The following MAGI2 variants were observed in gnomAD, a reference collection of about 807,000 sequenced individuals.
MAGI2 encodes membrane-associated guanylate kinase, WW and PDZ domain-containing protein 2.
Under a neutral mutation model 133.3 loss-of-function variants are expected in MAGI2, and 35 were observed. The observed-to-expected ratio is 0.26, with a 90% CI of 0.20 to 0.35. MAGI2 has a LOEUF of 0.35. Among genes scored for constraint, MAGI2 ranks in the 10% least tolerant of loss-of-function variants. The pLI, the probability that MAGI2 is intolerant of heterozygous loss-of-function variation, is 1.00. For missense variants in MAGI2, 1,636 were observed against 1,863.4 expected (o/e 0.88, Z 2.25); for synonymous variants, 729 against 710.6 (o/e 1.03, Z -0.41).
intron 1 of MAGI2, among the ~76,000 whole-genome samples, chr7:79,362,568 A>G (rs1224962830): frequency 6.6e-6 from 1 of 152,118 alleles, no homozygotes; most frequent in Non-Finnish European, 1.5e-5. Flanking sequence ...AAATTCAAAA[A>G]TTTATAAAAA....
intron 12 of MAGI2, among the ~76,000 whole-genome samples, chr7:78,193,182 T>C (rs1339609632): frequency 6.6e-6 from 1 of 152,194 alleles, no homozygotes; most frequent in East Asian, 1.9e-4. Flanking sequence ...AATACCAACA[T>C]TGTTTTTGTC....
intron 2 of MAGI2, among the ~76,000 whole-genome samples, chr7:78,954,215 A>G (rs1332107884): frequency 6.6e-6 from 1 of 152,120 alleles, no homozygotes; most frequent in Non-Finnish European, 1.5e-5. Context: ...GAGCACTGCC[A>G]AATGTCTACT....
At chr7:78,438,995 G>A (rs190483241) in intron 6 of MAGI2, among the ~76,000 whole-genome samples, 1 of 152,248 alleles carries the variant, frequency 6.6e-6, no homozygotes, top group East Asian at 1.9e-4. Context: ...GGTTTATAAC[G>A]TAACTACCTT....
At chr7:79,101,845 T>C (rs1350590589) in intron 1 of MAGI2, among the ~76,000 whole-genome samples, 1 of 151,916 alleles carries the variant, frequency 6.6e-6, no homozygotes, top group Non-Finnish European at 1.5e-5. Flanking sequence ...AAAATTCACT[T>C]TTATTATCAA....
intron 3 of MAGI2, among the ~76,000 whole-genome samples, chr7:78,566,956 C>G (rs936662612): frequency 6.6e-6 from 1 of 152,096 alleles, no homozygotes; most frequent in Non-Finnish European, 1.5e-5. Flanking sequence ...GGAAAGTAAT[C>G]AACTCTGAGC....
intron 3 of MAGI2, among the ~76,000 whole-genome samples, chr7:78,573,274 A>T (rs1801828489): frequency 1.1e-4 from 1 of 8,992 alleles, no homozygotes; most frequent in South Asian, 5.7e-3. Context: ...ATATATATAA[A>T]TATATATATT....
intron 2 of MAGI2, among the ~76,000 whole-genome samples, chr7:78,839,301 A>G (rs2151459225): frequency 6.6e-6 from 1 of 152,242 alleles, no homozygotes; most frequent in South Asian, 2.1e-4. Context: ...GACTTAGTGA[A>G]AACATGCTGG....
intron 2 of MAGI2, among the ~76,000 whole-genome samples, chr7:78,817,891 A>G (rs1431503365): frequency 6.6e-6 from 1 of 152,058 alleles, no homozygotes; most frequent in Non-Finnish European, 1.5e-5. Context: ...TTGTATTTTT[A>G]GTAGAGACGG....
chr7:78,019,684 G>A lies in MAGI2; in HGVS notation c.3999C>T (p.Gly1333=), dbSNP rs762844654. The A allele has an allele frequency of 6.8e-7, 1 of 1,466,130 alleles. No homozygotes were observed. The allele number at this position is 1,466,130 out of a possible 1,614,324, so 90.8% of individuals were successfully genotyped here. A position where few individuals can be genotyped will look rare whatever the true frequency, so the allele number is the denominator to read the frequency against. ...AARPRLEEAP[G]GQGRPEAGRP... ...TGCCGGCCTCGGGCCGCCCCTGGCC[G>A]CCGGGCGCCTCCTCGAGCCTCGGCC... Residue 1333 remains glycine, a synonymous_variant, in exon 22 of 22, where the codon GGC becomes GGT. Coordinates refer to ENST00000354212, the MANE Select transcript of MAGI2 (RefSeq NM_012301.4).
At chr7:78,551,593 A>C (rs562417032) in intron 3 of MAGI2, among the ~76,000 whole-genome samples, 182 of 152,362 alleles carry the variant, frequency 1.2e-3, no homozygotes, top group Non-Finnish European at 2.0e-3. Context: ...CCCTGAGAGA[A>C]GACAGTTCTG....
At chr7:78,641,202 G>A (rs1005832032) in intron 2 of MAGI2, among the ~76,000 whole-genome samples, 1 of 152,068 alleles carries the variant, frequency 6.6e-6, no homozygotes, top group Non-Finnish European at 1.5e-5. Flanking sequence ...ATACAGTCTT[G>A]GGTATGTTCT....
intron 2 of MAGI2, among the ~76,000 whole-genome samples, chr7:78,849,813 T>C: frequency 6.6e-6 from 1 of 152,042 alleles, no homozygotes; most frequent in East Asian, 1.9e-4. Context: ...CATGGTGCTT[T>C]TATTCTTTAT....
chr7:78,105,229 AT>A (rs1818564976), intron 20 of MAGI2, among the ~76,000 whole-genome samples: 1 of 152,168 alleles, frequency 6.6e-6, no homozygotes, highest in Admixed American at 6.5e-5. Flanking sequence ...TGTTATATAA[AT>A]ACTAACTTAA....
chr7:78,605,189 A>G (rs184781282), intron 3 of MAGI2, among the ~76,000 whole-genome samples: 101 of 152,340 alleles, frequency 6.6e-4, no homozygotes, highest in African/African-American at 2.3e-3. Flanking sequence ...AGAAATGTGC[A>G]TTTTAGACTA....
chr7:78,194,078 T>C (rs1180090201), intron 12 of MAGI2, among the ~76,000 whole-genome samples: 1 of 152,138 alleles, frequency 6.6e-6, no homozygotes, highest in Non-Finnish European at 1.5e-5. Context: ...CAGACCGTAA[T>C]GGGAGCGCCA....
intron 6 of MAGI2, among the ~76,000 whole-genome samples, chr7:78,386,166 A>T (rs1795372744): frequency 6.6e-6 from 1 of 152,186 alleles, no homozygotes; most frequent in African/African-American, 2.4e-5. Flanking sequence ...AATGGAATAC[A>T]AAATCCCTTT....
At chr7:79,399,093 T>C (rs1055559866) in intron 1 of MAGI2, among the ~76,000 whole-genome samples, 3 of 132,296 alleles carry the variant, frequency 2.3e-5, no homozygotes, top group Non-Finnish European at 4.6e-5. Context: ...TTTTTTTCTT[T>C]TCTTTTTTTT....
chr7:78,425,900 C>T (rs1186111478), intron 6 of MAGI2, among the ~76,000 whole-genome samples: 3 of 152,284 alleles, frequency 2.0e-5, no homozygotes, highest in East Asian at 3.9e-4. Context: ...CCAGAACAAA[C>T]TGAGCACTCT....
At chr7:78,924,853 CTATTATTAT>C (rs1287134682) in intron 2 of MAGI2, among the ~76,000 whole-genome samples, 1,821 of 148,828 alleles carry the variant, frequency 0.012, 30 homozygotes, top group African/African-American at 0.04. Context: ...ATTATTACTA[CTATTATTAT>C]TATTATTATT....
Sources: gnomAD v4.1 joint callset for allele counts (sites outside exome capture counted in the v4.1 genomes callset) on GRCh38, gnomAD v4.1.1 for gene constraint, MANE v1.5 for transcripts, NCBI Gene and HGNC (gene_info 2026-07-23, HGNC 2026-07-21) for gene names.